RSPH3: variants seen among roughly 807,000 people sequenced by gnomAD.
RSPH3 encodes the protein radial spoke head protein 3 homolog.
A neutral mutation model predicts 43.8 loss-of-function variants in RSPH3; 21 were observed. The observed-to-expected ratio is 0.48, with a 90% CI of 0.34 to 0.69. The LOEUF (loss-of-function observed/expected upper bound fraction) is 0.69, where lower values mean the gene tolerates loss of function less well. Ranked by LOEUF, RSPH3 falls within the 30% of genes least tolerant of loss-of-function variation. The pLI, the probability that RSPH3 is intolerant of heterozygous loss-of-function variation, is 0.01. For missense variants in RSPH3, 487 were observed against 516.0 expected (o/e 0.94, Z 0.54); for synonymous variants, 173 against 179.8 (o/e 0.96, Z 0.30).
rs970401907 is a variant in RSPH3, at chr6:159,000,199, G to A, written c.-649C>T. 25 of 527,152 alleles carry A rather than the reference G, an allele frequency of 4.7e-5. No homozygotes were observed. The highest frequency in any genetic ancestry group is 4.9e-4 in the Middle Eastern group (1 of 2,028). 32.7% of individuals were successfully genotyped at this position (527,152 alleles called of 1,614,324 possible). On this transcript the variant is annotated 5_prime_UTR_variant, in exon 1 of 8. Transcript: ENST00000367069. The stretch of plus-strand genomic sequence containing the variant: ...CAGCTCTGTTACGTGCCCGGGCGGG[G>A]AAGAGCTTCCTGGTGTCTCCCGGCT...
rs111528821 is a variant in RSPH3, at chr6:158,989,105, GGT to G, written c.205-2686_205-2685del. Among the ~76,000 whole-genome samples, 17,286 of 151,852 alleles carry G rather than the reference GGT, an allele frequency of 0.11. 1,697 individuals carry two copies. Among genetic ancestry groups the G allele is most frequent in the East Asian group, 0.41 (2,118 of 5,138 alleles). ...TCTGTCACCCTGGCTGGAGTGCAGTGGTGTGATCTTGGCTCACTGCAACCTCT... is the reference window on the plus strand; with the variant it reads ...TCTGTCACCCTGGCTGGAGTGCAGTGGTGATCTTGGCTCACTGCAACCTCT... On this transcript the variant is annotated intron_variant, in intron 2 of 7. Coordinates refer to ENST00000367069, the MANE Select transcript of RSPH3 (RefSeq NM_031924.8). This position sits in a 1 kb window ranked among gnomAD's most constrained non-coding sequence, Gnocchi z 4.3.
rs1777736979 is a variant in RSPH3 at position 158,973,494 on chromosome 6, A to C, written c.*4044T>G. On this transcript the variant is annotated 3_prime_UTR_variant, in exon 8 of 8. Coordinates refer to ENST00000367069, the MANE Select transcript of RSPH3 (RefSeq NM_031924.8). ...TAGGCTCCAAATACTTTCTTCTGCAAGTTACCCACCCTTTCATATGTTTTT... is the reference window on the plus strand; with the variant it reads ...TAGGCTCCAAATACTTTCTTCTGCACGTTACCCACCCTTTCATATGTTTTT... 1 of 152,216 alleles carries C rather than the reference A, an allele frequency of 6.6e-6. No individual in the cohort carries two copies. The highest frequency in any genetic ancestry group is 2.1e-4 in the South Asian group (1 of 4,832). The allele number at this position is 152,216 out of a possible 1,614,324, so 9.4% of individuals were successfully genotyped here.
chr6:158,990,685 T>G (rs1778375866), intron 2 of RSPH3: 2 of 152,288 alleles, frequency 1.3e-5, no homozygotes, highest in South Asian at 2.1e-4. Flanking sequence ...TGATCTTGAT[T>G]TGTCTCGGGT....
intron 6 of RSPH3, among the ~76,000 whole-genome samples, chr6:158,978,785 C>T (rs111953407): frequency 0.018 from 2,715 of 152,238 alleles, 34 homozygotes; most frequent in Middle Eastern, 0.024. Flanking sequence ...GTGATTCACC[C>T]GCCTCGGCCT....
chr6:158,999,838 C>A lies in RSPH3; in HGVS notation c.-288G>T, dbSNP rs756954187. On this transcript the variant is annotated 5_prime_UTR_variant, in exon 1 of 8. Transcript: ENST00000367069. ...GGCGGGAACTCCGGGCAGTTCCGGT[C>A]CCCAGGTTTCCCGGGAAGGACTGCG... is the stretch of plus-strand genomic sequence containing the variant. The A allele has an allele frequency of 8.7e-5, 141 of 1,613,748 alleles. No homozygotes were observed. Among genetic ancestry groups the A allele is most frequent in the Non-Finnish European group, 1.1e-4 (135 of 1,179,936 alleles).
rs113700284 is a variant in RSPH3, at chr6:158,978,626, C to T, written c.860-280G>A. Among the ~76,000 whole-genome samples the T allele has an allele frequency of 0.018, 2,727 of 152,206 alleles. 33 individuals are homozygous for T. The highest frequency in any genetic ancestry group is 0.024 in the Non-Finnish European group (1,620 of 68,010). On this transcript the variant is annotated intron_variant, in intron 6 of 7. Coordinates refer to ENST00000367069, the MANE Select transcript of RSPH3 (RefSeq NM_031924.8). ...CGCGATCTCTGCTCACTGCAACCTCCGCTTCCCAGGTTCAAGTGGTTCTCC... is the reference window on the plus strand; with the variant it reads ...CGCGATCTCTGCTCACTGCAACCTCTGCTTCCCAGGTTCAAGTGGTTCTCC...
chr6:158,993,656 C>G (rs934859893), intron 2 of RSPH3, among the ~76,000 whole-genome samples, 183 bp downstream of exon 2: 4 of 152,116 alleles, frequency 2.6e-5, no homozygotes, highest in African/African-American at 9.7e-5. Context: ...CATCCCCCAG[C>G]TCCTGGAAAC....
At chr6:158,986,568 G>A in intron 2 of RSPH3, 147 bp from the exon 3 acceptor site, 2 of 649,216 alleles carry the variant, frequency 3.1e-6, no homozygotes, top group South Asian at 4.5e-5. Context: ...AAATTGTATT[G>A]GTACTTTGTC....
intron 1 of RSPH3, among the ~76,000 whole-genome samples, chr6:158,997,271 C>CTTTTTTTTTT (rs35951023): frequency 5.2e-4 from 67 of 129,094 alleles, no homozygotes; most frequent in Non-Finnish European, 8.1e-4. Flanking sequence ...CTCCTGAACA[C>CTTTTTTTTTT]TTTTTTTTTT....
chr6:158,999,915 G>T lies in RSPH3; in HGVS notation c.-365C>A. ...CCGCCCAGCCGCGCCACCCAGGTAG[G>T]TGCGCCTGCGCTTTGCGAGGTTCCT... On this transcript the variant is annotated 5_prime_UTR_variant, in exon 1 of 8. Coordinates refer to ENST00000367069, the MANE Select transcript of RSPH3 (RefSeq NM_031924.8). The T allele has an allele frequency of 6.2e-7, 1 of 1,612,570 alleles. No homozygotes were observed. The highest frequency in any genetic ancestry group is 1.1e-5 in the South Asian group (1 of 90,986).
Position 158,977,569 on chromosome 6 carries a change from C to T in RSPH3, c.1226G>A (p.Arg409Lys), listed in dbSNP as rs1777885182. 1.2e-6 allele frequency: 2 copies of T among 1,613,278 alleles called. No individual in the cohort carries two copies. The highest frequency in any genetic ancestry group is 1.3e-5 in the African/African-American group (1 of 74,998). Residue 409 changes from arginine to lysine, a missense_variant, in exon 8 of 8, where the codon AGG (arginine) becomes AAG (lysine). Coordinates refer to ENST00000367069, the MANE Select transcript of RSPH3 (RefSeq NM_031924.8). ...LLGQDEETAMRKSLGEEELS is the reference protein window; with the variant it reads ...LLGQDEETAMKKSLGEEELS ...CAATTCTTCCTCCCCTAAGGACTTC[C>T]TCATTGCTGTTTCTTCATCTTGCCC...
At chr6:158,970,319 T>C (rs1777681414), downstream of RSPH3, among the ~76,000 whole-genome samples, 1 of 152,202 alleles carries the variant, frequency 6.6e-6, no homozygotes, top group Non-Finnish European at 1.5e-5. Flanking sequence ...TTAAGTGCCC[T>C]GAACCAGTAA....
intron 1 of RSPH3, among the ~76,000 whole-genome samples, chr6:158,996,010 T>A (rs1778582482): frequency 6.6e-6 from 1 of 152,170 alleles, no homozygotes; most frequent in South Asian, 2.1e-4. Context: ...TGTAATCACA[T>A]CTCAAAGTCC....
chr6:158,969,807 C>CTA (rs1777674249), downstream of RSPH3, among the ~76,000 whole-genome samples: 1 of 152,200 alleles, frequency 6.6e-6, no homozygotes, highest in Admixed American at 6.5e-5. Flanking sequence ...GAAAATTTAT[C>CTA]ATTTCAATTA....
rs1402233504 is a variant in RSPH3 at position 158,975,154 on chromosome 6, T to A, written c.*2384A>T. Reference sequence around the variant, plus strand: ...GTGCCTGGCCCAATTTTAAGGTTTCTAAAAGCTAGTTGTAGATATTTTAAA... The same window carrying A: ...GTGCCTGGCCCAATTTTAAGGTTTCAAAAAGCTAGTTGTAGATATTTTAAA... On this transcript the variant is annotated 3_prime_UTR_variant, in exon 8 of 8. Transcript: ENST00000367069. 2.0e-5 allele frequency: 3 copies of A among 152,168 alleles called. No individual in the cohort carries two copies. Among genetic ancestry groups the A allele is most frequent in the Non-Finnish European group, 4.4e-5 (3 of 68,014 alleles). The allele number at this position is 152,168 out of a possible 1,614,324, so 9.4% of individuals were successfully genotyped here.
rs1208072410 is a variant in RSPH3, at chr6:158,999,428, C to T, written c.116+7G>A. On this transcript the variant is annotated splice_region_variant and intron_variant, in intron 1 of 7. Transcript: ENST00000367069. The stretch of plus-strand genomic sequence containing the variant: ...TGGACCACACAGGGGCTGGCTTGGT[C>T]ACTCACGGCTGCGTCAGGCTGTCCC... 4.0e-6 allele frequency: 6 copies of T among 1,499,794 alleles called. No homozygotes were observed. The African/African-American group carries it at 7.0e-5, about 17-fold the overall frequency. The allele number at this position is 1,499,794 out of a possible 1,614,324, so 92.9% of individuals were successfully genotyped here. A position where few individuals can be genotyped will look rare whatever the true frequency, so the allele number is the denominator to read the frequency against.
chr6:158,979,191 T>A (rs942370715), intron 6 of RSPH3, among the ~76,000 whole-genome samples: 6 of 152,190 alleles, frequency 3.9e-5, no homozygotes, highest in Non-Finnish European at 8.8e-5. Flanking sequence ...TATTACAATA[T>A]ACATTTTAAA....
At chr6:158,991,148 T>A (rs1360489905) in intron 2 of RSPH3, among the ~76,000 whole-genome samples, 1 of 152,200 alleles carries the variant, frequency 6.6e-6, no homozygotes, top group African/African-American at 2.4e-5. Context: ...CATTGAAACA[T>A]TTTTGATTGT....
At chr6:158,992,337 T>TG (rs1384989305) in intron 2 of RSPH3, among the ~76,000 whole-genome samples, 1 of 152,064 alleles carries the variant, frequency 6.6e-6, no homozygotes, top group African/African-American at 2.4e-5. Flanking sequence ...TGGAGTGCAG[T>TG]GGTGTGATCA....
Sources: allele counts gnomAD v4.1 joint callset (sites outside exome capture counted in the v4.1 genomes callset), GRCh38; gene constraint gnomAD v4.1.1; non-coding constraint Gnocchi (gnomAD v3.1); transcripts MANE v1.5; gene names NCBI Gene and HGNC (gene_info 2026-07-23, HGNC 2026-07-21).